KIF15: variants seen among roughly 807,000 people sequenced by gnomAD.
KIF15 encodes the protein kinesin family member 15.
In KIF15, 140 loss-of-function variants were observed where a neutral mutation model predicts 190.6. The ratio of observed to expected loss-of-function variants is 0.73; its 90% CI spans 0.64 to 0.84. The LOEUF is 0.84. KIF15 is among the 40% of genes least tolerant of loss of function. The probability of loss-of-function intolerance (pLI) is 0.00; values close to 1 mark genes in which losing one functional copy is unlikely to be tolerated. For missense variants in KIF15, 1,372 were observed against 1,584.4 expected, an observed-to-expected ratio of 0.87 and a Z score of 2.28; for synonymous variants, 528 against 551.3, an observed-to-expected ratio of 0.96 and a Z score of 0.59.
intron 3 of KIF15, among the ~76,000 whole-genome samples, chr3:44,777,828 T>C (rs1705965788): frequency 1.3e-5 from 2 of 152,350 alleles, no homozygotes; most frequent in South Asian, 4.1e-4. Flanking sequence ...CTGAAGAAGA[T>C]GTACAGCCGT....
At chr3:44,851,994 C>A in intron 33 of KIF15, 42 bp downstream of exon 33, 1 of 1,575,662 alleles carries the variant, frequency 6.3e-7, no homozygotes, top group Non-Finnish European at 8.6e-7. Flanking sequence ...TTAGAACACT[C>A]AAATGAATAG....
At chr3:44,838,180 C>A in intron 26 of KIF15, 95 bp from the exon 27 acceptor site, 1 of 1,315,374 alleles carries the variant, frequency 7.6e-7, no homozygotes, top group Non-Finnish European at 1.0e-6. Flanking sequence ...TTACATAAAA[C>A]TTCCTTAGTC....
chr3:44,815,115 G>T, intron 20 of KIF15, 39 bp downstream of exon 20: 1 of 1,488,680 alleles, frequency 6.7e-7, no homozygotes, highest in Non-Finnish European at 9.0e-7. Context: ...TGCCTGATTG[G>T]CTGTAACCTA....
chr3:44,774,542 TAGTCCTC>T, intron 2 of KIF15, 105 bp downstream of exon 2: 1 of 986,852 alleles, frequency 1.0e-6, no homozygotes, highest in Non-Finnish European at 1.5e-6. Context: ...AAATTTAACT[TAGTCCTC>T]AACCAGCTGG....
chr3:44,847,999 C>G lies in KIF15; in HGVS notation c.3710C>G (p.Pro1237Arg). 1 of 1,610,754 alleles carries G rather than the reference C, an allele frequency of 6.2e-7. No homozygotes were observed. The highest frequency in any genetic ancestry group is 8.5e-7 in the Non-Finnish European group (1 of 1,178,304). The change falls in exon 31 of 35, where the codon CCA (proline) becomes CGA (arginine). Residue 1237 changes from proline (P) to arginine (R), a missense_variant. By Grantham distance (103) the Pro-to-Arg change is moderately radical (BLOSUM62 -2). Coordinates refer to ENST00000326047, the MANE Select transcript of KIF15 (RefSeq NM_020242.3). ...RQKENSDQNH[P>R]DNQQLKNEQE... ...AATCTATGCAGTGATCAGAATCATC[C>G]AGATAATCAACAGCTGAAGAATGAA...
chr3:44,825,990 A>G, intron 20 of KIF15, 49 bp from the exon 21 acceptor site: 1 of 1,476,624 alleles, frequency 6.8e-7, no homozygotes, highest in Non-Finnish European at 9.2e-7. Flanking sequence ...GATTAATAGA[A>G]ATACATTAAA....
intron 6 of KIF15, among the ~76,000 whole-genome samples, chr3:44,860,578 G>A (rs1208094003): frequency 6.6e-6 from 1 of 152,056 alleles, no homozygotes; most frequent in East Asian, 1.9e-4. Flanking sequence ...TCACCATCTT[G>A]ACCAATCTGG....
chr3:44,812,050 G>A, intron 17 of KIF15, 132 bp from the exon 18 acceptor site: 1 of 646,316 alleles, frequency 1.5e-6, no homozygotes, highest in Admixed American at 2.9e-5. Flanking sequence ...ACAGGCCTTT[G>A]ATACCTTTGT....
intron 16 of KIF15, among the ~76,000 whole-genome samples, chr3:44,807,870 G>T (rs1049696090): frequency 6.6e-6 from 1 of 151,734 alleles, no homozygotes; most frequent in Non-Finnish European, 1.5e-5. Context: ...AAAATGCTGG[G>T]TTTTTTCCTA....
Position 44,801,655 on chromosome 3 carries a change from A to T in KIF15, c.1300-110A>T, listed in dbSNP as rs1354719544. The stretch of plus-strand genomic sequence containing the variant: ...AGTAATGGAAGGCTATGAAAAATCA[A>T]ATTTTGCCTTTAAGATTAAATATGA... On this transcript the variant is annotated intron_variant, in intron 12 of 34. Coordinates refer to ENST00000326047, the MANE Select transcript of KIF15 (RefSeq NM_020242.3). The T allele has an allele frequency of 5.2e-6, 5 of 969,334 alleles. No individual in the cohort carries two copies. In the African/African-American group the frequency reaches 8.2e-5, roughly 16 times the overall value. 60.0% of individuals were successfully genotyped at this position (969,334 alleles called of 1,614,324 possible).
chr3:44,786,186 A>G (rs1378537220), intron 6 of KIF15, among the ~76,000 whole-genome samples: 1 of 152,216 alleles, frequency 6.6e-6, no homozygotes. Context: ...ACTGCACTGC[A>G]GCCTGGACAA....
chr3:44,777,983 T>TC, intron 3 of KIF15, 132 bp from the exon 4 acceptor site: 1 of 709,642 alleles, frequency 1.4e-6, no homozygotes. Context: ...TCTTAGATAG[T>TC]TTAGCCTTTT....
intron 20 of KIF15, among the ~76,000 whole-genome samples, chr3:44,823,557 G>A (rs1338401620): frequency 1.3e-5 from 2 of 152,208 alleles, no homozygotes; most frequent in Non-Finnish European, 2.9e-5. Context: ...CTATCAGACA[G>A]GGATGTTTAA....
intron 32 of KIF15, among the ~76,000 whole-genome samples, chr3:44,849,736 A>G (rs957543045): frequency 1.3e-5 from 2 of 152,168 alleles, no homozygotes; most frequent in African/African-American, 4.8e-5. Flanking sequence ...ATGTATGTAC[A>G]TACATACACA....
chr3:44,811,127 C>A, intron 17 of KIF15, 84 bp downstream of exon 17: 2 of 1,083,766 alleles, frequency 1.8e-6, no homozygotes, highest in South Asian at 1.6e-5. Context: ...CTATAAGTTA[C>A]AGTGTTCAAA....
At chr3:44,845,596 C>T (rs1469278200) in intron 30 of KIF15, among the ~76,000 whole-genome samples, 1 of 152,082 alleles carries the variant, frequency 6.6e-6, no homozygotes, top group Non-Finnish European at 1.5e-5. Context: ...ATCAAGGTGG[C>T]TAAGGCATGT....
At chr3:44,798,453 G>T (rs978741921) in intron 10 of KIF15, among the ~76,000 whole-genome samples, 1 of 151,920 alleles carries the variant, frequency 6.6e-6, no homozygotes, top group African/African-American at 2.4e-5. Context: ...TGGGACTACA[G>T]GCGCCCACCA....
chr3:44,832,317 A>G (rs904548873), intron 26 of KIF15, among the ~76,000 whole-genome samples: 3 of 152,204 alleles, frequency 2.0e-5, no homozygotes, highest in Admixed American at 6.5e-5. Flanking sequence ...CGTCAGCTGT[A>G]TCTTTTAGGA....
intron 3 of KIF15, among the ~76,000 whole-genome samples, chr3:44,776,474 T>C (rs112524139): frequency 0.011 from 1,661 of 152,064 alleles, 28 homozygotes; most frequent in African/African-American, 0.037. Flanking sequence ...CCATTAGTTA[T>C]ATGTGGCTAT....
Sources: allele counts gnomAD v4.1 joint callset (sites outside exome capture counted in the v4.1 genomes callset), GRCh38; gene constraint gnomAD v4.1.1; transcripts MANE v1.5; gene names NCBI Gene and HGNC (gene_info 2026-07-23, HGNC 2026-07-21).